CDH18: variants seen among roughly 807,000 people sequenced by gnomAD.
CDH18 encodes cadherin-18.
CDH18 carries 31 observed loss-of-function variants against 67.9 expected under a neutral mutation model. The observed-to-expected ratio is 0.46, with a 90% CI of 0.34 to 0.62. The LOEUF (loss-of-function observed/expected upper bound fraction) is 0.62. Ranked by LOEUF, CDH18 falls within the 20% of genes least tolerant of loss-of-function variation. CDH18 has a pLI of 0.01. For missense variants in CDH18, 890 were observed against 975.5 expected, an observed-to-expected ratio of 0.91 and a Z score of 1.17; for synonymous variants, 362 against 347.2, an observed-to-expected ratio of 1.04 and a Z score of -0.48.
At position 19,483,376 on chromosome 5, in the gene CDH18, C is replaced by CT; in HGVS notation, c.1806dup (p.Glu603ArgfsTer57). ...AAACCAGCCGAGGACAGGAAGGCTT[C>CT]TGCATGGCAGGTCCGCACACGCCCA... On this transcript the variant is annotated frameshift_variant, in exon 12 of 13. Coordinates refer to ENST00000382275, the MANE Select transcript of CDH18 (RefSeq NM_004934.5). LOFTEE classifies it high-confidence loss of function. 6.2e-7 allele frequency: 1 copy of CT among 1,614,132 alleles called. No homozygotes were observed. Among genetic ancestry groups the CT allele is most frequent in the Non-Finnish European group, 8.5e-7 (1 of 1,180,016 alleles).
At chr5:19,687,696 C>T (rs1761301477) in intron 5 of CDH18, among the ~76,000 whole-genome samples, 1 of 152,176 alleles carries the variant, frequency 6.6e-6, no homozygotes, top group Non-Finnish European at 1.5e-5. Context: ...GCAGCCACTG[C>T]CGCCATCTCC....
intron 2 of CDH18, among the ~76,000 whole-genome samples, chr5:20,213,463 T>C (rs1227073439): frequency 6.6e-6 from 1 of 152,102 alleles, no homozygotes; most frequent in Non-Finnish European, 1.5e-5. Flanking sequence ...TGGTACTAGC[T>C]CTTGTTTTGT....
At chr5:19,677,693 A>C (rs2150371791) in intron 5 of CDH18, among the ~76,000 whole-genome samples, 1 of 152,036 alleles carries the variant, frequency 6.6e-6, no homozygotes, top group South Asian at 2.1e-4. Context: ...ACAACCGTAA[A>C]CTAAAAAAAA....
chr5:19,930,860 C>G (rs1038559210), intron 2 of CDH18, among the ~76,000 whole-genome samples: 1 of 151,808 alleles, frequency 6.6e-6, no homozygotes, highest in African/African-American at 2.4e-5. Context: ...CTAAATAAAC[C>G]AAAGTCTTAA....
intron 1 of CDH18, among the ~76,000 whole-genome samples, chr5:20,530,331 C>T (rs2126550924): frequency 6.6e-6 from 1 of 151,950 alleles, no homozygotes; most frequent in South Asian, 2.1e-4. Context: ...AGATTCAATG[C>T]TATTCCCATT....
At chr5:19,620,270 C>G (rs946359436) in intron 5 of CDH18, among the ~76,000 whole-genome samples, 1 of 152,118 alleles carries the variant, frequency 6.6e-6, no homozygotes, top group Non-Finnish European at 1.5e-5. Context: ...TTAAGAATTC[C>G]TTAAGGGAAT....
chr5:20,125,019 T>C (rs569158888), intron 2 of CDH18, among the ~76,000 whole-genome samples: 103 of 152,262 alleles, frequency 6.8e-4, no homozygotes, highest in African/African-American at 2.4e-3. Context: ...AGAGACTGAA[T>C]TGACAGAGAG....
intron 9 of CDH18, among the ~76,000 whole-genome samples, chr5:19,521,457 G>C (rs1266711427): frequency 6.6e-6 from 1 of 151,984 alleles, no homozygotes; most frequent in African/African-American, 2.4e-5. Flanking sequence ...TAAATGTCTG[G>C]TATATTTTAC....
intron 1 of CDH18, among the ~76,000 whole-genome samples, chr5:20,473,420 A>G (rs1752224391): frequency 6.6e-6 from 1 of 152,042 alleles, no homozygotes; most frequent in African/African-American, 2.4e-5. Flanking sequence ...CAGTTTTTCT[A>G]GATATTTTTT....
chr5:19,529,455 C>G (rs982887954), intron 9 of CDH18, among the ~76,000 whole-genome samples: 3 of 151,960 alleles, frequency 2.0e-5, no homozygotes, highest in African/African-American at 4.8e-5. Context: ...TTCTCCTGAA[C>G]ACTATCTTTA....
At chr5:20,511,282 A>T (rs888868688) in intron 1 of CDH18, among the ~76,000 whole-genome samples, 3 of 152,218 alleles carry the variant, frequency 2.0e-5, no homozygotes, top group Admixed American at 2.0e-4. Context: ...GAAAGTACTA[A>T]GTATAGAAAG....
At chr5:20,302,290 G>T (rs1295488706) in intron 1 of CDH18, among the ~76,000 whole-genome samples, 1 of 152,088 alleles carries the variant, frequency 6.6e-6, no homozygotes, top group African/African-American at 2.4e-5. Context: ...TTTAAAAGTT[G>T]AATAAACTTA....
intron 3 of CDH18, among the ~76,000 whole-genome samples, chr5:19,757,343 G>A (rs1190303062): frequency 6.6e-6 from 1 of 152,214 alleles, no homozygotes; most frequent in Non-Finnish European, 1.5e-5. Context: ...GTAGCTGGCT[G>A]ATCTCCCCGA....
chr5:20,528,216 T>C (rs909234934), intron 1 of CDH18, among the ~76,000 whole-genome samples: 1 of 152,072 alleles, frequency 6.6e-6, no homozygotes, highest in Non-Finnish European at 1.5e-5. Context: ...GAGCTAACTA[T>C]CCTAAATATG....
intron 1 of CDH18, among the ~76,000 whole-genome samples, chr5:20,562,142 C>T (rs1244315723): frequency 6.6e-6 from 1 of 151,662 alleles, no homozygotes; most frequent in Non-Finnish European, 1.5e-5. Flanking sequence ...AATAGGTGAC[C>T]TACTTTACAC....
chr5:19,500,581 T>C (rs1054839745), intron 11 of CDH18, among the ~76,000 whole-genome samples: 6 of 152,192 alleles, frequency 3.9e-5, no homozygotes, highest in African/African-American at 1.2e-4. Context: ...GTGTTATTTA[T>C]AATTTCAATA....
intron 2 of CDH18, among the ~76,000 whole-genome samples, chr5:20,119,258 T>C (rs1748163712): frequency 6.6e-6 from 1 of 152,128 alleles, no homozygotes; most frequent in Non-Finnish European, 1.5e-5. Context: ...GAACAAAATT[T>C]GGGGTAAAAA....
At chr5:19,584,779 T>G (rs1411876888) in intron 7 of CDH18, among the ~76,000 whole-genome samples, 6 of 88,138 alleles carry the variant, frequency 6.8e-5, no homozygotes, top group Non-Finnish European at 9.2e-5. Flanking sequence ...GAGGCCCCGT[T>G]TCTACTAAAA....
At chr5:20,445,734 G>T (rs1158419385) in intron 1 of CDH18, among the ~76,000 whole-genome samples, 1 of 152,190 alleles carries the variant, frequency 6.6e-6, no homozygotes, top group Non-Finnish European at 1.5e-5. Flanking sequence ...TGAGAATTCT[G>T]CATTGGAATG....
Sources: allele counts gnomAD v4.1 joint callset (sites outside exome capture counted in the v4.1 genomes callset), GRCh38; gene constraint gnomAD v4.1.1; transcripts MANE v1.5; gene names NCBI Gene and HGNC (gene_info 2026-07-23, HGNC 2026-07-21).